Variants in PLCB1 observed in about 807,000 individuals in gnomAD.
The protein encoded by PLCB1 is 1-phosphatidylinositol 4,5-bisphosphate phosphodiesterase beta-1.
PLCB1 carries 46 observed loss-of-function variants against 161.8 expected under a neutral mutation model. The observed-to-expected ratio is 0.28, with a 90% CI of 0.22 to 0.36. PLCB1 has a LOEUF of 0.36. Among genes scored for constraint, PLCB1 ranks in the 10% least tolerant of loss-of-function variants. The pLI is 1.00. For synonymous variants in PLCB1, 517 were observed against 503.7 expected, an observed-to-expected ratio of 1.03 and a Z score of -0.35; for missense variants, 1,016 against 1,472.5, an observed-to-expected ratio of 0.69 and a Z score of 5.07.
At chr20:8,708,521 A>G in intron 11 of PLCB1, 149 bp from the exon 12 acceptor site, 1 of 591,744 alleles carries the variant, frequency 1.7e-6, no homozygotes, top group Non-Finnish European at 3.0e-6. Flanking sequence ...ACCGTCCAGC[A>G]GCCCTCAAAA....
chr20:8,708,790 C>T (rs543453896), intron 12 of PLCB1, 38 bp downstream of exon 12: 135 of 1,178,014 alleles, frequency 1.1e-4, no homozygotes, highest in Non-Finnish European at 1.6e-4. Context: ...GTCTTTTTCC[C>T]GAATAGGGCA....
intron 31 of PLCB1, among the ~76,000 whole-genome samples, chr20:8,811,187 C>A (rs764705159): frequency 9.9e-5 from 15 of 152,160 alleles, no homozygotes; most frequent in Admixed American, 5.2e-4. Context: ...TCATTATTGG[C>A]CTTGATCTTA....
At chr20:8,157,021 C>G (rs1003462282) in intron 2 of PLCB1, among the ~76,000 whole-genome samples, 3 of 152,018 alleles carry the variant, frequency 2.0e-5, no homozygotes, top group African/African-American at 7.2e-5. Context: ...GACTTGTTTT[C>G]TATTTAGACT....
chr20:8,177,697 CT>C (rs917952111), intron 2 of PLCB1, among the ~76,000 whole-genome samples: 1 of 151,932 alleles, frequency 6.6e-6, no homozygotes, highest in African/African-American at 2.4e-5. Context: ...TTTTAAAAAA[CT>C]TTTATTTATT....
intron 2 of PLCB1, among the ~76,000 whole-genome samples, chr20:8,288,366 G>T (rs767910028): frequency 1.3e-5 from 2 of 152,100 alleles, no homozygotes; most frequent in Non-Finnish European, 2.9e-5. Context: ...TTTGTCAGAC[G>T]GTCTAGAAGC....
chr20:8,845,022 G>A (rs1301029167), intron 31 of PLCB1, among the ~76,000 whole-genome samples: 1 of 152,088 alleles, frequency 6.6e-6, no homozygotes, highest in African/African-American at 2.4e-5. Context: ...GCTGAGGCAG[G>A]AGAATGGTGT....
chr20:8,721,213 T>G (rs1342811948), intron 14 of PLCB1, among the ~76,000 whole-genome samples: 2 of 152,230 alleles, frequency 1.3e-5, no homozygotes, highest in Non-Finnish European at 2.9e-5. Context: ...ACTGTCTCCA[T>G]TTATATAAAT....
chr20:8,823,542 A>T (rs1294978615), intron 31 of PLCB1, among the ~76,000 whole-genome samples: 1 of 152,238 alleles, frequency 6.6e-6, no homozygotes, highest in Non-Finnish European at 1.5e-5. Flanking sequence ...ACTGTATTAT[A>T]TTAGGTTGCT....
chr20:8,679,277 A>G (rs1019235651), intron 9 of PLCB1, among the ~76,000 whole-genome samples: 2 of 152,222 alleles, frequency 1.3e-5, no homozygotes, highest in Admixed American at 6.5e-5. Flanking sequence ...TTTAGAAGCT[A>G]ATAGATAAAG....
At chr20:8,457,715 CACACACACA>C (rs1409593882) in intron 3 of PLCB1, among the ~76,000 whole-genome samples, 3 of 14,606 alleles carry the variant, frequency 2.1e-4, no homozygotes, top group African/African-American at 1.1e-3. Flanking sequence ...TGTGTGCGCG[CACACACACA>C]CACACACACA....
At chr20:8,468,244 G>A (rs1981904425) in intron 3 of PLCB1, among the ~76,000 whole-genome samples, 1 of 152,130 alleles carries the variant, frequency 6.6e-6, no homozygotes, top group Non-Finnish European at 1.5e-5. Flanking sequence ...GTAGTTATAA[G>A]TCTGTTTACA....
At chr20:8,808,229 A>G (rs1201916005) in intron 31 of PLCB1, among the ~76,000 whole-genome samples, 1 of 152,156 alleles carries the variant, frequency 6.6e-6, no homozygotes, top group Non-Finnish European at 1.5e-5. Context: ...TTTTTTCACA[A>G]TTCTGGAGTC....
chr20:8,845,202 G>T (rs1397107071), intron 31 of PLCB1, among the ~76,000 whole-genome samples: 2 of 152,118 alleles, frequency 1.3e-5, no homozygotes, highest in African/African-American at 4.8e-5. Context: ...GGTGACTAGG[G>T]TGTTGTGGCA....
At chr20:8,445,883 T>C (rs1980799663) in intron 3 of PLCB1, among the ~76,000 whole-genome samples, 1 of 152,168 alleles carries the variant, frequency 6.6e-6, no homozygotes, top group African/African-American at 2.4e-5. Context: ...CTTGTGATTT[T>C]TGCACGTTGA....
At chr20:8,869,207 T>C (rs1465945309) in intron 31 of PLCB1, among the ~76,000 whole-genome samples, 2 of 152,214 alleles carry the variant, frequency 1.3e-5, no homozygotes, top group Non-Finnish European at 2.9e-5. Context: ...TTTTTTATTA[T>C]ACTTTAAGTT....
intron 2 of PLCB1, among the ~76,000 whole-genome samples, chr20:8,222,342 TA>T (rs1454139024): frequency 1.3e-5 from 2 of 152,206 alleles, no homozygotes; most frequent in African/African-American, 4.8e-5. Flanking sequence ...CCTTCATTTC[TA>T]AATGATATTG....
rs1012568918 is a variant in PLCB1, at chr20:8,336,925, A to G, written c.178-34457A>G. ...TATAATCTTTCCTTTTTTAATGTTCAAAACAAATATTATAGCTCTTCTACT... is the reference window on the plus strand; with the variant it reads ...TATAATCTTTCCTTTTTTAATGTTCGAAACAAATATTATAGCTCTTCTACT... On this transcript the variant is annotated intron_variant, in intron 2 of 31. Transcript: ENST00000338037. 3.3e-5 allele frequency among the ~76,000 whole-genome samples: 5 copies of G among 152,058 alleles called. No homozygotes were observed. The East Asian group carries it at 9.6e-4, about 29-fold the overall frequency.
intron 3 of PLCB1, among the ~76,000 whole-genome samples, chr20:8,518,679 G>A (rs748567513): frequency 3.9e-5 from 6 of 152,104 alleles, no homozygotes; most frequent in South Asian, 2.1e-4. Context: ...CCATGGACCA[G>A]GGCAGCAGGT....
chr20:8,759,132 G>A (rs570247711), intron 24 of PLCB1, among the ~76,000 whole-genome samples: 28 of 152,214 alleles, frequency 1.8e-4, no homozygotes, highest in South Asian at 6.2e-4. Context: ...GAAGAACTCT[G>A]GTCAGTTATT....
Sources: allele counts gnomAD v4.1 joint callset (sites outside exome capture counted in the v4.1 genomes callset), GRCh38; gene constraint gnomAD v4.1.1; transcripts MANE v1.5; gene names NCBI Gene and HGNC (gene_info 2026-07-23, HGNC 2026-07-21).